KCNN1: variants seen among roughly 807,000 people sequenced by gnomAD.
KCNN1 encodes the protein small conductance calcium-activated potassium channel protein 1.
Under a neutral mutation model 44.7 loss-of-function variants are expected in KCNN1, and 20 were observed. That is an observed-to-expected ratio of 0.45 (90% confidence interval 0.32 to 0.65). The LOEUF (loss-of-function observed/expected upper bound fraction) is 0.65, where lower values mean the gene tolerates loss of function less well. Ranked by LOEUF, KCNN1 falls within the 30% of genes least tolerant of loss-of-function variation. KCNN1 has a pLI of 0.05. For missense variants in KCNN1, 632 were observed against 785.3 expected (o/e 0.80, Z 2.33); for synonymous variants, 324 against 341.7 (o/e 0.95, Z 0.57).
At chr19:17,962,367 C>A (rs1450187773), upstream of KCNN1, among the ~76,000 whole-genome samples, 1 of 152,190 alleles carries the variant, frequency 6.6e-6, no homozygotes, top group African/African-American at 2.4e-5. Context: ...CAGGCCCAGT[C>A]CCTCCCCTCC....
At chr19:17,951,582 C>A (rs2031409119) in intron 1 of KCNN1, among the ~76,000 whole-genome samples, 1 of 152,158 alleles carries the variant, frequency 6.6e-6, no homozygotes, top group Admixed American at 6.5e-5. Flanking sequence ...ACTCTGCCAC[C>A]CAAGCCCGGG....
At chr19:17,994,353 G>A (rs1490106937) in intron 9 of KCNN1, among the ~76,000 whole-genome samples, 3 of 151,448 alleles carry the variant, frequency 2.0e-5, no homozygotes, top group Admixed American at 6.6e-5. Context: ...AGGCTGAGGC[G>A]GGAGAATCAC....
intron 5 of KCNN1, 113 bp downstream of exon 5, chr19:17,985,566 T>A: frequency 1.1e-6 from 1 of 949,064 alleles, no homozygotes; most frequent in Non-Finnish European, 1.5e-6. Flanking sequence ...GAGCTGTGCC[T>A]GATCAGCGTC....
intron 4 of KCNN1, among the ~76,000 whole-genome samples, chr19:17,984,088 G>A (rs1047601163): frequency 2.6e-5 from 4 of 151,822 alleles, no homozygotes; most frequent in African/African-American, 7.3e-5. Flanking sequence ...GCTTGAACCC[G>A]GGAGGTGTAG....
chr19:17,958,858 T>A (rs529423181), intron 2 of KCNN1, among the ~76,000 whole-genome samples: 2 of 142,378 alleles, frequency 1.4e-5, no homozygotes, highest in Non-Finnish European at 3.1e-5. Flanking sequence ...CCACCACGCC[T>A]GGCTAATTTT....
chr19:17,965,605 A>G (rs1284698692), upstream of KCNN1, among the ~76,000 whole-genome samples: 2 of 151,954 alleles, frequency 1.3e-5, no homozygotes, highest in Non-Finnish European at 2.9e-5. Flanking sequence ...GTCAGTGGAG[A>G]GATGCAAGAG....
At chr19:17,982,652 G>A in intron 4 of KCNN1, 1 of 948,718 alleles carries the variant, frequency 1.1e-6, no homozygotes, top group South Asian at 4.9e-5. Flanking sequence ...GACCCGCTAG[G>A]AATTTAAGAT....
intron 3 of KCNN1, among the ~76,000 whole-genome samples, chr19:17,975,555 G>T (rs1033343530): frequency 1.3e-5 from 2 of 151,850 alleles, no homozygotes; most frequent in East Asian, 3.9e-4. Flanking sequence ...CGAGTAGCTG[G>T]GATTACAGGC....
intron 3 of KCNN1, among the ~76,000 whole-genome samples, chr19:17,979,364 A>G (rs2145939199): frequency 1.5e-5 from 2 of 135,346 alleles, no homozygotes; most frequent in East Asian, 4.8e-4. Context: ...ACCCGGGAGT[A>G]GGAGCTTGCA....
chr19:17,997,721 T>C (rs1312869564), intron 9 of KCNN1, among the ~76,000 whole-genome samples: 1 of 152,002 alleles, frequency 6.6e-6, no homozygotes, highest in Non-Finnish European at 1.5e-5. Context: ...CTCAGGCGAT[T>C]CGCCTGCCTC....
At position 17,979,432 on chromosome 19, in the gene KCNN1, C is replaced by CAAA. The variant is rs35265456; in HGVS notation, c.499-2257_499-2255dup. On this transcript the variant is annotated intron_variant, in intron 3 of 9. Coordinates refer to ENST00000684775, the MANE Select transcript of KCNN1 (RefSeq NM_001386974.1). ...TGGGCAATGGAGCGAGACTCCGTCT[C>CAAA]AAAAAAAAAAAAAAAAAAAAAAGGA... 3.0e-3 allele frequency among the ~76,000 whole-genome samples: 145 copies of CAAA among 48,512 alleles called. 2 individuals are homozygous for CAAA. Among genetic ancestry groups the CAAA allele is most frequent in the African/African-American group, 8.7e-3 (104 of 11,926 alleles). 31.8% of individuals were successfully genotyped at this position (48,512 alleles called of 152,430 possible). A position where few individuals can be genotyped will look rare whatever the true frequency, so the allele number is the denominator to read the frequency against.
upstream of KCNN1, among the ~76,000 whole-genome samples, chr19:17,965,611 A>G (rs2031782570): frequency 6.6e-6 from 1 of 152,060 alleles, no homozygotes; most frequent in Non-Finnish European, 1.5e-5. Flanking sequence ...GGAGAGATGC[A>G]AGAGGGGTGG....
chr19:17,982,479 A>C, intron 4 of KCNN1: 1 of 883,952 alleles, frequency 1.1e-6, no homozygotes, highest in Non-Finnish European at 1.4e-6. Flanking sequence ...GGCAGCAGGC[A>C]CAGGGATGCC....
chr19:17,968,237 C>T (rs533646390), intron 1 of KCNN1, among the ~76,000 whole-genome samples: 1 of 152,042 alleles, frequency 6.6e-6, no homozygotes, highest in Non-Finnish European at 1.5e-5. Context: ...TTGTGGTACC[C>T]GGAAGCCCCT....
rs1417880561 is a variant in KCNN1 at position 17,975,139 on chromosome 19, G to A, written c.450G>A (p.Thr150=). 7 of 1,613,490 alleles carry A rather than the reference G, an allele frequency of 4.3e-6. No individual in the cohort carries two copies. Among genetic ancestry groups the A allele is most frequent in the African/African-American group, 2.7e-5 (2 of 74,790 alleles). ...TCAAATGCCTCATCAGCCTCTCCACGGCCATCCTGCTGGGTCTCGTTGTCC... is the reference window on the plus strand; with the variant it reads ...TCAAATGCCTCATCAGCCTCTCCACAGCCATCCTGCTGGGTCTCGTTGTCC... ...FALKCLISLS[T]AILLGLVVLY... is the part of the protein sequence containing the mutation. Residue 150 remains threonine, a synonymous_variant, in exon 3 of 10, where the codon ACG becomes ACA. Coordinates refer to ENST00000684775, the MANE Select transcript of KCNN1 (RefSeq NM_001386974.1).
intron 1 of KCNN1, among the ~76,000 whole-genome samples, chr19:17,970,161 G>A (rs1187881488): frequency 6.7e-6 from 1 of 149,464 alleles, no homozygotes; most frequent in African/African-American, 2.4e-5. Flanking sequence ...CCTGCGGGAG[G>A]TCAGGCCTTA....
At chr19:17,961,582 C>CTTTTTT (rs756599442) in intron 2 of KCNN1, among the ~76,000 whole-genome samples, 1 of 101,310 alleles carries the variant, frequency 9.9e-6, no homozygotes, top group Non-Finnish European at 1.9e-5. Flanking sequence ...TTCTTTCTTT[C>CTTTTTT]TTTCTTTTTT....
chr19:17,955,629 C>T (rs1239678299), intron 2 of KCNN1, among the ~76,000 whole-genome samples: 1 of 149,096 alleles, frequency 6.7e-6, no homozygotes, highest in Non-Finnish European at 1.5e-5. Context: ...TCATATATAT[C>T]ATGATGATGA....
chr19:17,976,779 G>C (rs1443708488), intron 3 of KCNN1, among the ~76,000 whole-genome samples: 1 of 150,124 alleles, frequency 6.7e-6, no homozygotes, highest in Non-Finnish European at 1.5e-5. Context: ...GCAGTGGCGC[G>C]ATCTTGGCTC....
Sources: allele counts gnomAD v4.1 joint callset (sites outside exome capture counted in the v4.1 genomes callset), GRCh38; gene constraint gnomAD v4.1.1; transcripts MANE v1.5; gene names NCBI Gene and HGNC (gene_info 2026-07-23, HGNC 2026-07-21).